Variants in TCF12 observed in about 807,000 individuals in gnomAD.
The protein encoded by TCF12 is transcription factor 12, also known as DNA-binding protein HTF4.
A neutral mutation model predicts 86.0 loss-of-function variants in TCF12; 45 were observed. The ratio of observed to expected loss-of-function variants is 0.52; its 90% CI spans 0.41 to 0.67. The LOEUF is 0.67. TCF12 is among the 30% of genes least tolerant of loss of function. The probability of loss-of-function intolerance (pLI) is 0.00; values close to 1 mark genes in which losing one functional copy is unlikely to be tolerated. For synonymous variants in TCF12, 330 were observed against 299.6 expected (o/e 1.10, Z -1.05); for missense variants, 881 against 859.9 (o/e 1.02, Z -0.31).
At chr15:56,966,874 G>A (rs1387335290) in intron 3 of TCF12, among the ~76,000 whole-genome samples, 2 of 152,220 alleles carry the variant, frequency 1.3e-5, no homozygotes, top group Non-Finnish European at 2.9e-5. Context: ...TGTAATCCCA[G>A]CACTTTGGGA....
At chr15:57,177,608 C>CAGAGAGAGAGAGCGAGAGAGAGAGAGAG (rs2056024053) in intron 6 of TCF12, among the ~76,000 whole-genome samples, 1 of 122,962 alleles carries the variant, frequency 8.1e-6, no homozygotes, top group Non-Finnish European at 1.7e-5. Flanking sequence ...GTTAAAAGGC[C>CAGAGAGAGAGAGCGAGAGAGAGAGAGAG]AGAGAGAGAG....
chr15:57,220,149 T>G (rs1009584218), intron 8 of TCF12, among the ~76,000 whole-genome samples: 1 of 152,200 alleles, frequency 6.6e-6, no homozygotes, highest in African/African-American at 2.4e-5. Flanking sequence ...GTTTCTGAGT[T>G]GTTATTAGCC....
intron 3 of TCF12, among the ~76,000 whole-genome samples, chr15:56,996,633 T>G (rs1470692396): frequency 6.6e-6 from 1 of 151,612 alleles, no homozygotes; most frequent in Non-Finnish European, 1.5e-5. Context: ...AAAGAAAAAT[T>G]GACCAATGAG....
intron 5 of TCF12, among the ~76,000 whole-genome samples, chr15:57,145,903 C>A (rs1376924373): frequency 2.0e-5 from 3 of 152,160 alleles, no homozygotes; most frequent in African/African-American, 4.8e-5. Flanking sequence ...TAAGAATCAT[C>A]CAAGGATCTT....
At chr15:57,282,197 TAAATC>T (rs1197156799) in intron 19 of TCF12, 10 of 508,764 alleles carry the variant, frequency 2.0e-5, no homozygotes, top group African/African-American at 9.7e-5. Context: ...CATTTTGATT[TAAATC>T]AAATCAAACC....
chr15:57,053,347 T>A (rs1190680968), intron 3 of TCF12, among the ~76,000 whole-genome samples: 1 of 152,118 alleles, frequency 6.6e-6, no homozygotes, highest in African/African-American at 2.4e-5. Flanking sequence ...ATTGTAGGGG[T>A]TTCTTATGTA....
intron 3 of TCF12, among the ~76,000 whole-genome samples, chr15:56,947,953 A>T (rs990427712): frequency 1.3e-5 from 2 of 152,172 alleles, no homozygotes; most frequent in African/African-American, 4.8e-5. Context: ...GATGTAATTG[A>T]CAGGAACTTA....
chr15:57,164,412 A>T (rs959958447), intron 5 of TCF12, among the ~76,000 whole-genome samples: 3 of 152,146 alleles, frequency 2.0e-5, no homozygotes, highest in Admixed American at 2.0e-4. Context: ...GCAGAAGGGG[A>T]AGCAAAAGTG....
intron 11 of TCF12, 64 bp downstream of exon 11, chr15:57,232,920 T>TCA: frequency 8.7e-7 from 1 of 1,155,924 alleles, no homozygotes; most frequent in Non-Finnish European, 1.1e-6. Flanking sequence ...CCCGATATCT[T>TCA]TATATATATA....
Position 57,243,316 on chromosome 15 carries a change from C to T in TCF12, c.1036-156C>T, listed in dbSNP as rs184150206. 8.5e-5 allele frequency among the ~76,000 whole-genome samples: 13 copies of T among 152,218 alleles called. No individual in the cohort carries two copies. In the East Asian group the frequency reaches 2.3e-3, roughly 27 times the overall value. ...AATCCTGTTTTTTAAACTGAGGCTT[C>T]TGTATGATGAAACAGTCTAAAACTT... On this transcript the variant is annotated intron_variant, in intron 12 of 20. Coordinates refer to ENST00000333725, the MANE Select transcript of TCF12 (RefSeq NM_207037.2).
At chr15:57,237,798 A>G (rs2059441152) in intron 12 of TCF12, among the ~76,000 whole-genome samples, 1 of 152,210 alleles carries the variant, frequency 6.6e-6, no homozygotes, top group African/African-American at 2.4e-5. Flanking sequence ...AAAGTAGCAC[A>G]ATTTTTATAG....
At chr15:56,967,581 C>G (rs947219206) in intron 3 of TCF12, among the ~76,000 whole-genome samples, 1 of 152,152 alleles carries the variant, frequency 6.6e-6, no homozygotes, top group African/African-American at 2.4e-5. Context: ...GTACTTCTTT[C>G]CTTGCTCTTG....
chr15:57,047,508 G>A (rs968569906), intron 3 of TCF12, among the ~76,000 whole-genome samples: 2 of 152,202 alleles, frequency 1.3e-5, no homozygotes, highest in Non-Finnish European at 2.9e-5. Context: ...AAATTGTAAT[G>A]GGGGTAGATG....
intron 4 of TCF12, among the ~76,000 whole-genome samples, chr15:57,078,959 TCA>T (rs2070382491): frequency 6.6e-6 from 1 of 152,246 alleles, no homozygotes; most frequent in Non-Finnish European, 1.5e-5. Context: ...CCTTTTGTTA[TCA>T]AAGTAATGCT....
chr15:57,041,778 T>C (rs1239543884), intron 3 of TCF12, among the ~76,000 whole-genome samples: 1 of 152,110 alleles, frequency 6.6e-6, no homozygotes, highest in African/African-American at 2.4e-5. Flanking sequence ...AGGAAAATGG[T>C]CTTTGGAAAT....
intron 4 of TCF12, among the ~76,000 whole-genome samples, chr15:57,084,637 C>T (rs2048512804): frequency 6.6e-6 from 1 of 151,964 alleles, no homozygotes; most frequent in African/African-American, 2.4e-5. Flanking sequence ...ATTTTTAGTA[C>T]TGAGGATGTA....
chr15:57,041,223 G>T (rs756648761), intron 3 of TCF12, among the ~76,000 whole-genome samples: 1 of 152,138 alleles, frequency 6.6e-6, no homozygotes, highest in African/African-American at 2.4e-5. Context: ...GGGCAATTTG[G>T]CAGTCAAACA....
chr15:56,943,023 G>A (rs1315409257), intron 3 of TCF12, among the ~76,000 whole-genome samples: 2 of 152,186 alleles, frequency 1.3e-5, no homozygotes, highest in African/African-American at 4.8e-5. Context: ...AGTATGGAAG[G>A]ATATTTGGTG....
chr15:57,196,959 CTG>C (rs1555392217), intron 7 of TCF12, among the ~76,000 whole-genome samples: 4 of 151,910 alleles, frequency 2.6e-5, no homozygotes, highest in African/African-American at 9.7e-5. Context: ...TTTTAAAAAA[CTG>C]TAGGATAGCA....
Sources: gnomAD v4.1 joint callset for allele counts (sites outside exome capture counted in the v4.1 genomes callset) on GRCh38, gnomAD v4.1.1 for gene constraint, MANE v1.5 for transcripts, NCBI Gene and HGNC (gene_info 2026-07-23, HGNC 2026-07-21) for gene names.